SAMD5: variants seen among roughly 807,000 people sequenced by gnomAD.
SAMD5 encodes sterile alpha motif domain-containing protein 5.
In SAMD5, 13 loss-of-function variants were observed where a neutral mutation model predicts 11.3. The ratio of observed to expected loss-of-function variants is 1.15; its 90% confidence interval spans 0.75 to 1.83. The LOEUF is 1.83. Ranked by LOEUF, SAMD5 falls within the 40% of genes most tolerant of loss-of-function variation. The pLI, the probability that SAMD5 is intolerant of heterozygous loss-of-function variation, is 0.00. For synonymous variants in SAMD5, 129 were observed against 111.3 expected (o/e 1.16, Z -1.00); for missense variants, 255 against 239.1 (o/e 1.07, Z -0.44).
the SAMD5 span, among the ~76,000 whole-genome samples, chr6:147,879,495 G>A: frequency 2.6e-5 from 4 of 152,192 alleles, no homozygotes; most frequent in Non-Finnish European, 5.9e-5. Flanking sequence ...AGCCTTCCAT[G>A]GGAAAATGAT....
the SAMD5 span, among the ~76,000 whole-genome samples, chr6:147,819,326 G>A: frequency 4.6e-5 from 7 of 152,124 alleles, no homozygotes; most frequent in African/African-American, 1.7e-4. Flanking sequence ...GGGCCTACTT[G>A]GGGGTGGAGG....
chr6:147,951,251 G>T, the SAMD5 span, among the ~76,000 whole-genome samples: 1 of 150,636 alleles, frequency 6.6e-6, no homozygotes. Context: ...GCGCGATCTC[G>T]GCTCACTGCA....
intron 1 of SAMD5, among the ~76,000 whole-genome samples, chr6:147,557,703 T>G (rs1788879590): frequency 1.3e-5 from 2 of 152,210 alleles, no homozygotes. Context: ...CCAAATAAGG[T>G]CACATTCTGA....
At chr6:147,756,379 G>A in the SAMD5 span, among the ~76,000 whole-genome samples, 2 of 152,006 alleles carry the variant, frequency 1.3e-5, no homozygotes, top group African/African-American at 4.8e-5. Flanking sequence ...TGGATCCTGG[G>A]GATGTTGGAG....
At chr6:147,892,864 G>C in the SAMD5 span, among the ~76,000 whole-genome samples, 1 of 152,100 alleles carries the variant, frequency 6.6e-6, no homozygotes, top group Admixed American at 6.6e-5. Flanking sequence ...AATTGTAACT[G>C]TAGGTCTCTT....
At chr6:147,852,567 A>G in the SAMD5 span, among the ~76,000 whole-genome samples, 3 of 152,206 alleles carry the variant, frequency 2.0e-5, no homozygotes, top group African/African-American at 4.8e-5. Context: ...TGAATTGATT[A>G]AATGCAAATT....
chr6:147,816,872 A>G, the SAMD5 span, among the ~76,000 whole-genome samples: 2 of 152,144 alleles, frequency 1.3e-5, no homozygotes, highest in African/African-American at 4.8e-5. Flanking sequence ...ATGTGCTGAT[A>G]TCAAGCTATA....
chr6:147,862,197 T>C, the SAMD5 span, among the ~76,000 whole-genome samples: 2 of 152,128 alleles, frequency 1.3e-5, no homozygotes, highest in Admixed American at 1.3e-4. Flanking sequence ...GTTATCTAAG[T>C]GCCCTGGAAA....
At chr6:147,898,587 C>T in the SAMD5 span, among the ~76,000 whole-genome samples, 1 of 152,098 alleles carries the variant, frequency 6.6e-6, no homozygotes, top group African/African-American at 2.4e-5. Flanking sequence ...TAATGGTTTG[C>T]TTTTTAAATT....
At chr6:147,555,501 T>C (rs1286117363) in intron 1 of SAMD5, among the ~76,000 whole-genome samples, 2 of 152,234 alleles carry the variant, frequency 1.3e-5, no homozygotes, top group African/African-American at 2.4e-5. Context: ...CCCAGTGAGT[T>C]TGATAGTTTC....
At chr6:147,815,999 G>T in the SAMD5 span, among the ~76,000 whole-genome samples, 1 of 152,106 alleles carries the variant, frequency 6.6e-6, no homozygotes, top group East Asian at 1.9e-4. Flanking sequence ...TAGAAAGAAG[G>T]CTGGGCACGG....
chr6:147,564,965 A>T lies in SAMD5; in HGVS notation c.*509A>T. 1 of 820,322 alleles carries T rather than the reference A, an allele frequency of 1.2e-6. No homozygotes were observed. The highest frequency in any genetic ancestry group is 1.5e-6 in the Non-Finnish European group (1 of 680,770). 50.8% of individuals were successfully genotyped at this position (820,322 alleles called of 1,614,324 possible). ...ACCATGTTTTTATAAGATAAGATAC[A>T]TAATTCTATGTAGAATAGTTTGGTG... On this transcript the variant is annotated 3_prime_UTR_variant, in exon 2 of 2. Transcript: ENST00000367474.
At chr6:147,773,978 G>T in the SAMD5 span, among the ~76,000 whole-genome samples, 9 of 152,086 alleles carry the variant, frequency 5.9e-5, no homozygotes, top group African/African-American at 1.9e-4. Context: ...AAGTAGCTGG[G>T]ACTACAGACA....
At chr6:147,891,468 G>A in the SAMD5 span, among the ~76,000 whole-genome samples, 1 of 152,120 alleles carries the variant, frequency 6.6e-6, no homozygotes, top group Non-Finnish European at 1.5e-5. Context: ...ATAGGACATA[G>A]AGGAACATAA....
the SAMD5 span, among the ~76,000 whole-genome samples, chr6:147,771,468 A>T: frequency 6.6e-6 from 1 of 152,218 alleles, no homozygotes; most frequent in Non-Finnish European, 1.5e-5. Flanking sequence ...CTCATAAAGC[A>T]TGTCACATTC....
At chr6:147,855,084 G>A in the SAMD5 span, among the ~76,000 whole-genome samples, 15 of 152,242 alleles carry the variant, frequency 9.9e-5, no homozygotes, top group South Asian at 1.2e-3. Flanking sequence ...CCTAGTGGAT[G>A]CTCAATAAGT....
chr6:147,735,072 A>G (rs1046565099), intron 1 of SAMD5, among the ~76,000 whole-genome samples: 2 of 152,230 alleles, frequency 1.3e-5, no homozygotes. Flanking sequence ...GTAATGTACA[A>G]TAAAAGAGCT....
At chr6:147,758,045 C>G in the SAMD5 span, among the ~76,000 whole-genome samples, 1 of 152,174 alleles carries the variant, frequency 6.6e-6, no homozygotes, top group Non-Finnish European at 1.5e-5. Flanking sequence ...AGCACAGCCA[C>G]AGCCTGGGTT....
At chr6:147,944,082 T>C in the SAMD5 span, among the ~76,000 whole-genome samples, 2 of 152,144 alleles carry the variant, frequency 1.3e-5, no homozygotes, top group East Asian at 3.9e-4. Flanking sequence ...AGATCTTCCA[T>C]AGACTGTGAT....
Sources: allele counts gnomAD v4.1 joint callset (sites outside exome capture counted in the v4.1 genomes callset), GRCh38; gene constraint gnomAD v4.1.1; transcripts MANE v1.5; gene names NCBI Gene and HGNC (gene_info 2026-07-23, HGNC 2026-07-21).